Variants in SNX14 observed in about 807,000 individuals in gnomAD.
The protein encoded by SNX14 is sorting nexin 14, also known as sorting nexin-14.
SNX14 carries 93 observed loss-of-function variants against 133.8 expected under a neutral mutation model. The observed-to-expected ratio is 0.70, with a 90% CI of 0.59 to 0.83. The LOEUF (loss-of-function observed/expected upper bound fraction) is 0.83. SNX14 is among the 40% of genes least tolerant of loss of function. The pLI is 0.00. For synonymous variants in SNX14, 368 were observed against 365.6 expected (o/e 1.01, Z -0.07); for missense variants, 945 against 1,094.9 (o/e 0.86, Z 1.93).
At chr6:85,520,080 C>T (rs1487721528) in intron 21 of SNX14, among the ~76,000 whole-genome samples, 3 of 151,852 alleles carry the variant, frequency 2.0e-5, no homozygotes, top group Non-Finnish European at 2.9e-5. Context: ...GATGTAGTCT[C>T]ACTCTGTCGC....
chr6:85,545,074 T>C (rs1378692319), intron 12 of SNX14, among the ~76,000 whole-genome samples: 1 of 152,194 alleles, frequency 6.6e-6, no homozygotes, highest in Non-Finnish European at 1.5e-5. Flanking sequence ...TGAGGTACAC[T>C]GAGGTTCTTA....
intron 21 of SNX14, among the ~76,000 whole-genome samples, chr6:85,519,445 A>G (rs575178276): frequency 6.6e-6 from 1 of 152,360 alleles, no homozygotes; most frequent in South Asian, 2.1e-4. Flanking sequence ...CTTGGGCAAC[A>G]AAGCGAGATC....
In SNX14 at chr6:85,550,067, C is replaced by A. The variant is rs138925157; in HGVS notation, c.635-188G>T. ...TTCAAGACCAGCCTGGCCAACATGG[C>A]ACAATCCCATCTCTACAAAAAATAT... On this transcript the variant is annotated intron_variant, in intron 7 of 28. Transcript: ENST00000314673. 9.6e-3 allele frequency among the ~76,000 whole-genome samples: 1,455 copies of A among 152,188 alleles called. 26 individuals carry two copies. Among genetic ancestry groups the A allele is most frequent in the African/African-American group, 0.033 (1,381 of 41,510 alleles).
chr6:85,548,869 A>G (rs1347865583), intron 8 of SNX14, among the ~76,000 whole-genome samples: 1 of 151,810 alleles, frequency 6.6e-6, no homozygotes, highest in Non-Finnish European at 1.5e-5. Flanking sequence ...AGGGAGGCTG[A>G]TGCAGGAGAA....
chr6:85,589,028 A>G, intron 1 of SNX14: 1 of 378,858 alleles, frequency 2.6e-6, no homozygotes. Context: ...GAAGTACATC[A>G]TGATTTCTGC....
At chr6:85,525,029 T>C (rs1470332077) in intron 21 of SNX14, among the ~76,000 whole-genome samples, 1 of 152,216 alleles carries the variant, frequency 6.6e-6, no homozygotes, top group African/African-American at 2.4e-5. Flanking sequence ...GCTGAACTTG[T>C]TGCTATTTAG....
intron 19 of SNX14, among the ~76,000 whole-genome samples, chr6:85,529,321 A>C (rs985443721): frequency 6.6e-6 from 1 of 151,758 alleles, no homozygotes; most frequent in African/African-American, 2.4e-5. Flanking sequence ...AAGGAAACGA[A>C]GAAGAAAGGA....
Position 85,572,183 on chromosome 6 carries a change from C to T in SNX14, c.371G>A (p.Trp124Ter), listed in dbSNP as rs764771525. The T allele has an allele frequency of 6.2e-7, 1 of 1,613,798 alleles. No homozygotes were observed. Among genetic ancestry groups the T allele is most frequent in the South Asian group, 1.1e-5 (1 of 91,028 alleles). Residue 124 changes from tryptophan to a stop codon, truncating the protein, a stop_gained, in exon 4 of 29, where the codon TGG becomes TAG. Coordinates refer to ENST00000314673, the MANE Select transcript of SNX14 (RefSeq NM_153816.6). LOFTEE classifies it high-confidence loss of function. ...CTTGGAAGAAATTTTCAGGTCTAGCCATGGCTGGTAGTTTTCAAGTAGCAA... is the reference window on the plus strand; with the variant it reads ...CTTGGAAGAAATTTTCAGGTCTAGCTATGGCTGGTAGTTTTCAAGTAGCAA... ...PSLLLENYQPWLDLKISSKVD... is the reference protein window; with the variant it reads ...PSLLLENYQP
chr6:85,518,113 T>A, intron 21 of SNX14, 65 bp from the exon 22 acceptor site: 2 of 1,289,814 alleles, frequency 1.6e-6, no homozygotes, highest in Non-Finnish European at 2.2e-6. Flanking sequence ...CTCACATGAA[T>A]ACTTAACCAG....
intron 9 of SNX14, among the ~76,000 whole-genome samples, chr6:85,547,844 A>G (rs1206205329): frequency 6.6e-6 from 1 of 152,224 alleles, no homozygotes; most frequent in Non-Finnish European, 1.5e-5. Flanking sequence ...AGAAGCATCC[A>G]AAGTGTCCAT....
chr6:85,538,913 G>C, intron 15 of SNX14, 49 bp from the exon 16 acceptor site: 14 of 1,470,058 alleles, frequency 9.5e-6, no homozygotes, highest in East Asian at 2.4e-5. Context: ...AAGAAAGAAA[G>C]CCCAGATATT....
At chr6:85,580,004 C>G (rs1798553209) in intron 1 of SNX14, among the ~76,000 whole-genome samples, 1 of 152,078 alleles carries the variant, frequency 6.6e-6, no homozygotes. Context: ...TTTTGTTTAC[C>G]AAGGCAGCTA....
chr6:85,573,677 AG>A (rs1796385994), intron 2 of SNX14, among the ~76,000 whole-genome samples: 1 of 152,194 alleles, frequency 6.6e-6, no homozygotes, highest in Non-Finnish European at 1.5e-5. Context: ...TAATAGGATT[AG>A]ATCATTTAAC....
At chr6:85,567,484 A>G in intron 5 of SNX14, 50 bp downstream of exon 5, 1 of 1,265,874 alleles carries the variant, frequency 7.9e-7, no homozygotes, top group Non-Finnish European at 1.1e-6. Flanking sequence ...TGCTTAACTT[A>G]ATAGTATTCA....
At chr6:85,524,871 T>C (rs1309856384) in intron 21 of SNX14, among the ~76,000 whole-genome samples, 1 of 151,956 alleles carries the variant, frequency 6.6e-6, no homozygotes, top group Non-Finnish European at 1.5e-5. Flanking sequence ...AATGGAGGCA[T>C]GCCAGGGGTT....
intron 2 of SNX14, among the ~76,000 whole-genome samples, 186 bp from the exon 3 acceptor site, chr6:85,572,560 A>AAACTACC (rs1795993657): frequency 6.6e-6 from 1 of 151,378 alleles, no homozygotes; most frequent in South Asian, 2.1e-4. Context: ...ATCAGAGAAA[A>AAACTACC]AAATACCACA....
intron 1 of SNX14, among the ~76,000 whole-genome samples, chr6:85,584,272 G>GT (rs1318356034): frequency 6.6e-6 from 1 of 152,140 alleles, no homozygotes; most frequent in Non-Finnish European, 1.5e-5. Flanking sequence ...ACACTTAAAC[G>GT]TAAGACCCAA....
chr6:85,526,640 A>C (rs1778569124), intron 20 of SNX14, among the ~76,000 whole-genome samples: 1 of 152,232 alleles, frequency 6.6e-6, no homozygotes, highest in Non-Finnish European at 1.5e-5. Context: ...ACTATAGAAA[A>C]AAATGATAGC....
At chr6:85,528,191 A>T (rs893999692) in intron 20 of SNX14, 71 bp downstream of exon 20, 3 of 1,047,406 alleles carry the variant, frequency 2.9e-6, no homozygotes, top group Non-Finnish European at 4.3e-6. Context: ...ACATATACAC[A>T]AGAGAAAAAG....
Sources: gnomAD v4.1 joint callset for allele counts (sites outside exome capture counted in the v4.1 genomes callset) on GRCh38, gnomAD v4.1.1 for gene constraint, MANE v1.5 for transcripts, NCBI Gene and HGNC (gene_info 2026-07-23, HGNC 2026-07-21) for gene names.